Variants in CDH7 observed in about 807,000 individuals in gnomAD.
The protein encoded by CDH7 is cadherin-7.
CDH7 carries 25 observed loss-of-function variants against 71.8 expected under a neutral mutation model. That is an observed-to-expected ratio of 0.35 (90% CI 0.25 to 0.49). The LOEUF (loss-of-function observed/expected upper bound fraction) is 0.49, where lower values mean the gene tolerates loss of function less well. CDH7 is among the 20% of genes least tolerant of loss of function. The pLI is 0.99. For synonymous variants in CDH7, 381 were observed against 363.8 expected, an observed-to-expected ratio of 1.05 and a Z score of -0.54; for missense variants, 862 against 974.6, an observed-to-expected ratio of 0.88 and a Z score of 1.54.
At chr18:65,844,702 G>T (rs1912873692) in intron 7 of CDH7, among the ~76,000 whole-genome samples, 2 of 151,830 alleles carry the variant, frequency 1.3e-5, no homozygotes, top group Admixed American at 6.6e-5. Context: ...GCACTTTTTA[G>T]CAAATTTATA....
At chr18:65,781,819 C>T (rs182147762) in intron 2 of CDH7, among the ~76,000 whole-genome samples, 3,173 of 43,398 alleles carry the variant, frequency 0.073, 191 homozygotes, top group African/African-American at 0.13. Context: ...TCCTTCCTTC[C>T]TTCTTTCTTT....
chr18:65,832,609 T>C (rs1230581662), intron 6 of CDH7, among the ~76,000 whole-genome samples: 1 of 152,024 alleles, frequency 6.6e-6, no homozygotes, highest in Non-Finnish European at 1.5e-5. Flanking sequence ...GTTAAAGCAA[T>C]GCAAATGCTA....
At position 65,859,062 on chromosome 18, in the gene CDH7, A is replaced by T; in HGVS notation, c.1494+16A>T. On this transcript the variant is annotated intron_variant, in intron 9 of 11. Transcript: ENST00000397968. The stretch of plus-strand genomic sequence containing the variant: ...GCCGGGGCAGGTAAGAGTCTTCAGA[A>T]CACTTTGCTTCTAATTTGTGGTTTC... 2.5e-6 allele frequency: 4 copies of T among 1,608,828 alleles called. No homozygotes were observed. The highest frequency in any genetic ancestry group is 3.4e-6 in the Non-Finnish European group (4 of 1,177,794).
At chr18:65,761,328 ATT>A (rs1271195368) in intron 1 of CDH7, among the ~76,000 whole-genome samples, 2 of 149,492 alleles carry the variant, frequency 1.3e-5, no homozygotes, top group South Asian at 2.1e-4. Context: ...GTATGTATAT[ATT>A]TGTTTCACAT....
chr18:65,808,480 A>G (rs933255574), intron 2 of CDH7, among the ~76,000 whole-genome samples: 1 of 152,232 alleles, frequency 6.6e-6, no homozygotes, highest in Non-Finnish European at 1.5e-5. Flanking sequence ...AACTTGTGCC[A>G]GAAATTTACT....
chr18:65,788,612 C>A (rs1286521540), intron 2 of CDH7, among the ~76,000 whole-genome samples: 1 of 152,146 alleles, frequency 6.6e-6, no homozygotes, highest in Non-Finnish European at 1.5e-5. Flanking sequence ...TTGCTTGAGC[C>A]TCTAGCCACC....
chr18:65,778,723 T>C (rs1311709269), intron 2 of CDH7, among the ~76,000 whole-genome samples: 1 of 151,158 alleles, frequency 6.6e-6, no homozygotes, highest in East Asian at 1.9e-4. Context: ...AATAAATAAA[T>C]ACACTTTGAT....
At chr18:65,820,217 A>G (rs1215753559) in intron 4 of CDH7, among the ~76,000 whole-genome samples, 2 of 150,446 alleles carry the variant, frequency 1.3e-5, no homozygotes, top group Non-Finnish European at 3.0e-5. Flanking sequence ...CTATAGAAAA[A>G]TTATTCACAA....
chr18:65,851,558 A>G (rs1913151498), intron 7 of CDH7, among the ~76,000 whole-genome samples: 1 of 152,222 alleles, frequency 6.6e-6, no homozygotes, highest in Non-Finnish European at 1.5e-5. Context: ...AGCTGCAGTG[A>G]TAATCACCGG....
intron 6 of CDH7, among the ~76,000 whole-genome samples, chr18:65,841,700 C>T (rs1239402326): frequency 6.6e-6 from 1 of 152,018 alleles, no homozygotes; most frequent in Admixed American, 6.6e-5. Flanking sequence ...GGTCAGGTTT[C>T]TTAAGAGAGG....
rs1466822543 is a variant in CDH7, at chr18:65,886,601, C to G, written c.*5707C>G. 6.6e-6 allele frequency: 1 copy of G among 152,018 alleles called. No individual in the cohort carries two copies. The highest frequency in any genetic ancestry group is 2.4e-5 in the African/African-American group (1 of 41,386). The allele number at this position is 152,018 out of a possible 1,614,324, so 9.4% of individuals were successfully genotyped here. A position where few individuals can be genotyped will look rare whatever the true frequency, so the allele number is the denominator to read the frequency against. On this transcript the variant is annotated 3_prime_UTR_variant, in exon 12 of 12. Coordinates refer to ENST00000397968, the MANE Select transcript of CDH7 (RefSeq NM_004361.5). ...CAGCCTCATTGATGAACACAAAACA[C>G]CAGAATAGAGAAAAAGACAATAATG... is the stretch of plus-strand genomic sequence containing the variant.
At chr18:65,841,643 C>A (rs1201972508) in intron 6 of CDH7, among the ~76,000 whole-genome samples, 4 of 152,144 alleles carry the variant, frequency 2.6e-5, no homozygotes, top group Admixed American at 6.5e-5. Context: ...GTGTCCCCAA[C>A]ATAAAGGTTG....
At position 65,810,098 on chromosome 18, in the gene CDH7, T is replaced by C. The variant is rs142103980; in HGVS notation, c.505+100T>C. ...TAAGTACTGAAAAAAAAAAAAACCT[T>C]ACTAGTATGTGTGTATTGATTGTCA... On this transcript the variant is annotated intron_variant, in intron 3 of 11. Transcript: ENST00000397968. 1,133 of 958,220 alleles carry C rather than the reference T, an allele frequency of 1.2e-3. 15 individuals are homozygous for C. The East Asian group carries it at 0.025, about 21-fold the overall frequency. The allele number at this position is 958,220 out of a possible 1,614,324, so 59.4% of individuals were successfully genotyped here. A position where few individuals can be genotyped will look rare whatever the true frequency, so the allele number is the denominator to read the frequency against.
At chr18:65,836,305 A>G (rs1451948261) in intron 6 of CDH7, among the ~76,000 whole-genome samples, 2 of 152,166 alleles carry the variant, frequency 1.3e-5, no homozygotes, top group African/African-American at 4.8e-5. Flanking sequence ...AGACAGGAGA[A>G]CAGAAGAGAG....
At chr18:65,813,394 C>T (rs773709106) in intron 3 of CDH7, among the ~76,000 whole-genome samples, 1 of 152,042 alleles carries the variant, frequency 6.6e-6, no homozygotes, top group Non-Finnish European at 1.5e-5. Flanking sequence ...GTACACTTAA[C>T]TTTCATAATT....
chr18:65,773,471 T>C lies in CDH7; in HGVS notation c.210+10419T>C, dbSNP rs1598993185. ...ATCCCTGATGAGTGATCAGGTAGCC[T>C]GAGGTCCATCTCTTAGTGGAAGCAG... On this transcript the variant is annotated intron_variant, in intron 2 of 11. Transcript: ENST00000397968. Among the ~76,000 whole-genome samples the C allele has an allele frequency of 3.9e-5, 6 of 152,272 alleles. No homozygotes were observed. The South Asian group carries it at 1.2e-3, about 32-fold the overall frequency.
At chr18:65,860,416 C>A (rs1413762895) in intron 10 of CDH7, among the ~76,000 whole-genome samples, 5 of 151,972 alleles carry the variant, frequency 3.3e-5, no homozygotes, top group Non-Finnish European at 7.4e-5. Flanking sequence ...TTAGCAGTTT[C>A]CTAAATATCA....
rs952885710 is a variant in CDH7 at position 65,857,287 on chromosome 18, A to T, written c.1236-529A>T. Among the ~76,000 whole-genome samples, 29 of 149,398 alleles carry T rather than the reference A, an allele frequency of 1.9e-4. 1 individual carries two copies. The highest frequency in any genetic ancestry group is 7.1e-4 in the African/African-American group (29 of 40,820). The stretch of plus-strand genomic sequence containing the variant: ...CACTTGAGCCCAGGAATTCAAGACC[A>T]GCCTGAGGAATATAGCAAGACCCTG... On this transcript the variant is annotated intron_variant, in intron 7 of 11. Coordinates refer to ENST00000397968, the MANE Select transcript of CDH7 (RefSeq NM_004361.5).
intron 2 of CDH7, among the ~76,000 whole-genome samples, chr18:65,806,290 G>GAA (rs34836118): frequency 2.4e-4 from 35 of 146,178 alleles, no homozygotes; most frequent in African/African-American, 5.5e-4. Flanking sequence ...GTGCTCATTT[G>GAA]AAAAAAAAAA....
Sources: gnomAD v4.1 joint callset for allele counts (sites outside exome capture counted in the v4.1 genomes callset) on GRCh38, gnomAD v4.1.1 for gene constraint, MANE v1.5 for transcripts, NCBI Gene and HGNC (gene_info 2026-07-23, HGNC 2026-07-21) for gene names.